Variants in PHF21B observed in about 807,000 individuals in gnomAD.
PHF21B encodes the protein PHD finger protein 4.
PHF21B carries 22 observed loss-of-function variants against 62.2 expected under a neutral mutation model. The observed-to-expected ratio is 0.35, with a 90% confidence interval of 0.25 to 0.51. PHF21B has a LOEUF of 0.51. Among genes scored for constraint, PHF21B ranks in the 20% least tolerant of loss-of-function variants. The pLI is 0.97. For missense variants in PHF21B, 701 were observed against 707.9 expected (o/e 0.99, Z 0.11); for synonymous variants, 341 against 314.7 (o/e 1.08, Z -0.88).
chr22:44,915,677 C>T lies in PHF21B; in HGVS notation c.564+603G>A, dbSNP rs6007385. Among the ~76,000 whole-genome samples the T allele has an allele frequency of 8.9e-3, 1,353 of 152,314 alleles. 18 individuals carry two copies. Among genetic ancestry groups the T allele is most frequent in the African/African-American group, 0.03 (1,254 of 41,562 alleles). On this transcript the variant is annotated intron_variant, in intron 4 of 12. Transcript: ENST00000313237. ...ACCCCAGCCATAAGCAAGAGAGGGG[C>T]GGCCTGGCAGACCCCAAATGGGGAA...
At position 45,008,564 on chromosome 22, in the gene PHF21B, G is replaced by T; in HGVS notation, c.101C>A (p.Ala34Asp). 3 of 1,586,834 alleles carry T rather than the reference G, an allele frequency of 1.9e-6. No homozygotes were observed. Among genetic ancestry groups the T allele is most frequent in the Non-Finnish European group, 1.7e-6 (2 of 1,167,092 alleles). ...GCTTACTTGTTTGTCGCTGAGCGCG[G>T]CGATCCGCGGCTGCCTTTCGTGGAG... ...KQLHERQPRI[A>D]ALSDKQALGT... The change falls in exon 2 of 13, where the codon GCC (alanine) becomes GAC (aspartate). Residue 34 changes from alanine to aspartate, a missense_variant. Ala to Asp is a moderately radical substitution (Grantham distance 126, BLOSUM62 -2). Coordinates refer to ENST00000313237, the MANE Select transcript of PHF21B (RefSeq NM_138415.5).
chr22:44,916,887 C>T (rs559794261), intron 3 of PHF21B, among the ~76,000 whole-genome samples: 32 of 152,350 alleles, frequency 2.1e-4, no homozygotes, highest in South Asian at 1.5e-3. Flanking sequence ...TCAGAGAAAA[C>T]GGTGAAGAGC....
chr22:44,978,502 A>G (rs1231030558), intron 2 of PHF21B, among the ~76,000 whole-genome samples: 1 of 152,136 alleles, frequency 6.6e-6, no homozygotes, highest in African/African-American at 2.4e-5. Context: ...TGGGACTATA[A>G]GCATGCGCCA....
At chr22:44,996,534 T>C (rs2073125347) in intron 2 of PHF21B, among the ~76,000 whole-genome samples, 1 of 151,674 alleles carries the variant, frequency 6.6e-6, no homozygotes, top group Non-Finnish European at 1.5e-5. Context: ...CTGCTCCCTC[T>C]CAAACACTCA....
At chr22:44,928,552 GGC>G (rs2071678468) in intron 2 of PHF21B, among the ~76,000 whole-genome samples, 1 of 152,124 alleles carries the variant, frequency 6.6e-6, no homozygotes, top group South Asian at 2.1e-4. Flanking sequence ...TGGGATTACA[GGC>G]GCCCACCACC....
intron 2 of PHF21B, chr22:44,968,930 G>C: frequency 6.6e-6 from 1 of 152,150 alleles, no homozygotes; most frequent in East Asian, 1.9e-4. Flanking sequence ...GCCACTGGGG[G>C]CTCTCTGACT....
intron 2 of PHF21B, among the ~76,000 whole-genome samples, chr22:44,976,465 T>C (rs1251293601): frequency 6.6e-6 from 1 of 152,222 alleles, no homozygotes; most frequent in East Asian, 1.9e-4. Context: ...TCTTTCCCTA[T>C]CCAAACTTTT....
intron 2 of PHF21B, among the ~76,000 whole-genome samples, chr22:44,921,299 TA>T (rs1406387604): frequency 2.0e-5 from 3 of 151,994 alleles, no homozygotes; most frequent in African/African-American, 7.3e-5. Flanking sequence ...CTCACTTGTC[TA>T]AAGTCTCCTT....
At chr22:44,921,629 A>G (rs1276740833) in intron 2 of PHF21B, among the ~76,000 whole-genome samples, 1 of 151,268 alleles carries the variant, frequency 6.6e-6, no homozygotes, top group Non-Finnish European at 1.5e-5. Flanking sequence ...CGGCCTCCCA[A>G]AGTGCTAGGA....
chr22:44,968,643 C>CAA (rs57203297), intron 2 of PHF21B, among the ~76,000 whole-genome samples: 291 of 113,722 alleles, frequency 2.6e-3, no homozygotes, highest in African/African-American at 5.4e-3. Context: ...GATTCCATCT[C>CAA]AAAAAAAAAA....
intron 5 of PHF21B, among the ~76,000 whole-genome samples, chr22:44,898,760 C>G (rs894312445): frequency 6.6e-6 from 1 of 152,164 alleles, no homozygotes; most frequent in Non-Finnish European, 1.5e-5. Context: ...ATTTTAGTCT[C>G]TATAGTTTCA....
chr22:44,973,755 G>A (rs1448969093), intron 2 of PHF21B, among the ~76,000 whole-genome samples: 1 of 152,206 alleles, frequency 6.6e-6, no homozygotes, highest in Admixed American at 6.5e-5. Context: ...TCAAGACAGT[G>A]TAAGGGTGGG....
chr22:44,996,610 C>T (rs998071775), intron 2 of PHF21B, among the ~76,000 whole-genome samples: 1 of 151,980 alleles, frequency 6.6e-6, no homozygotes, highest in Non-Finnish European at 1.5e-5. Flanking sequence ...CCCCGTTTGA[C>T]TCTCTGATCC....
intron 2 of PHF21B, among the ~76,000 whole-genome samples, chr22:44,925,809 C>T (rs78511163): frequency 1.6e-4 from 25 of 152,288 alleles, no homozygotes; most frequent in African/African-American, 6.0e-4. Context: ...ACTCCACGAC[C>T]AGTGTTCCCC....
intron 2 of PHF21B, among the ~76,000 whole-genome samples, chr22:44,975,813 G>C (rs1288079155): frequency 2.6e-5 from 4 of 152,258 alleles, no homozygotes; most frequent in Non-Finnish European, 5.9e-5. Context: ...GCCCAGGAGA[G>C]GGCGCTGGTC....
At chr22:44,920,286 C>T (rs752037502) in intron 3 of PHF21B, 112 bp downstream of exon 3, 21 of 692,926 alleles carry the variant, frequency 3.0e-5, no homozygotes, top group East Asian at 6.2e-5. Context: ...TGAGAGGGCA[C>T]GAGTTCCGCC....
intron 5 of PHF21B, among the ~76,000 whole-genome samples, chr22:44,896,880 G>GTTTTTTTTTTTGTT (rs1555933163): frequency 1.2e-5 from 1 of 84,092 alleles, no homozygotes; most frequent in African/African-American, 4.1e-5. Context: ...AGTTTTATCT[G>GTTTTTTTTTTTGTT]TTTTTTTTTT....
In PHF21B at chr22:44,904,919, T is replaced by C. The variant is rs555274115; in HGVS notation, c.832-8836A>G. On this transcript the variant is annotated intron_variant, in intron 5 of 12. Coordinates refer to ENST00000313237, the MANE Select transcript of PHF21B (RefSeq NM_138415.5). ...GCAGATATTTATTGCTCTGTGGTCA[T>C]CTGCCTGAGGCTGCTGGAGGCCCCC... Among the ~76,000 whole-genome samples the C allele has an allele frequency of 3.3e-5, 5 of 152,384 alleles. No individual in the cohort carries two copies. The South Asian group carries it at 1.0e-3, about 32-fold the overall frequency.
In PHF21B at chr22:45,008,545, T is replaced by C; in HGVS notation, c.120A>G (p.Gln40=). 3.2e-6 allele frequency: 5 copies of C among 1,578,102 alleles called. No homozygotes were observed. Among genetic ancestry groups the C allele is most frequent in the Non-Finnish European group, 3.4e-6 (4 of 1,162,070 alleles). Reference sequence around the variant, plus strand: ...GGGGGGCCGCGATCCCATCGCTTACTTGTTTGTCGCTGAGCGCGGCGATCC... The same window carrying C: ...GGGGGGCCGCGATCCCATCGCTTACCTGTTTGTCGCTGAGCGCGGCGATCC... The part of the protein sequence containing the change: ...QPRIAALSDK[Q]ALGTITAVPV... The change falls in exon 2 of 13, where the codon CAA becomes CAG. Residue 40 remains glutamine (Q), a splice_region_variant and synonymous_variant. Transcript: ENST00000313237.
Sources: allele counts gnomAD v4.1 joint callset (sites outside exome capture counted in the v4.1 genomes callset), GRCh38; gene constraint gnomAD v4.1.1; transcripts MANE v1.5; gene names NCBI Gene and HGNC (gene_info 2026-07-23, HGNC 2026-07-21).